CEP112: variants seen among roughly 807,000 people sequenced by gnomAD.
CEP112 encodes centrosomal protein of 112 kDa.
A neutral mutation model predicts 153.0 loss-of-function variants in CEP112; 127 were observed. That is an observed-to-expected ratio of 0.83 (90% CI 0.72 to 0.96). CEP112 has a LOEUF of 0.96. Among genes scored for constraint, CEP112 ranks in the 40% least tolerant of loss-of-function variants. CEP112 has a pLI of 0.00. For synonymous variants in CEP112, 358 were observed against 374.4 expected (o/e 0.96, Z 0.51); for missense variants, 1,089 against 1,101.2 (o/e 0.99, Z 0.16).
chr17:65,766,967 C>T (rs919646809), intron 21 of CEP112, among the ~76,000 whole-genome samples: 101 of 150,126 alleles, frequency 6.7e-4, no homozygotes, highest in African/African-American at 2.4e-3. Flanking sequence ...ACTTCAATAT[C>T]CCCCATCAAC....
chr17:65,645,037 G>A (rs1756720855), intron 24 of CEP112, among the ~76,000 whole-genome samples: 1 of 151,874 alleles, frequency 6.6e-6, no homozygotes, highest in Admixed American at 6.6e-5. Context: ...GACATTGTGT[G>A]CCCTTTCTAC....
At chr17:65,804,682 CTA>C (rs1167245521) in intron 21 of CEP112, among the ~76,000 whole-genome samples, 2 of 151,852 alleles carry the variant, frequency 1.3e-5, no homozygotes, top group Non-Finnish European at 2.9e-5. Flanking sequence ...ATTTTCAAAA[CTA>C]GACAAATTTT....
Position 66,191,584 on chromosome 17 carries a change from G to A in CEP112, c.-9+413C>T, listed in dbSNP as rs2073165760. On this transcript the variant is annotated intron_variant, in intron 1 of 26. Coordinates refer to ENST00000535342, the MANE Select transcript of CEP112 (RefSeq NM_001199165.4). This position sits in a 1 kb window ranked among gnomAD's most constrained non-coding sequence, Gnocchi z 4.2. ...TGAGACTCTTTTCTGGGACGGAATT[G>A]AAAACTCCAGCGGTGCCGTTCCTGG... 1 of 152,772 alleles carries A rather than the reference G, an allele frequency of 6.5e-6. No individual in the cohort carries two copies. The highest frequency in any genetic ancestry group is 6.5e-5 in the Admixed American group (1 of 15,280). 9.5% of individuals were successfully genotyped at this position (152,772 alleles called of 1,614,324 possible).
chr17:65,937,338 C>T (rs1350361977), intron 18 of CEP112, among the ~76,000 whole-genome samples: 2 of 105,326 alleles, frequency 1.9e-5, no homozygotes, highest in African/African-American at 4.6e-5. Context: ...TGAGGAGCGC[C>T]TCTTCCCGGC....
intron 21 of CEP112, among the ~76,000 whole-genome samples, chr17:65,780,437 A>G (rs1291582333): frequency 6.6e-6 from 1 of 152,094 alleles, no homozygotes; most frequent in Non-Finnish European, 1.5e-5. Context: ...AATGAGGGAG[A>G]AAAAAACCTT....
intron 19 of CEP112, among the ~76,000 whole-genome samples, chr17:65,908,869 GA>G (rs752921736): frequency 2.0e-5 from 3 of 152,074 alleles, no homozygotes; most frequent in Non-Finnish European, 4.4e-5. Context: ...CATTCCAATT[GA>G]ACTTTCATGT....
intron 23 of CEP112, among the ~76,000 whole-genome samples, chr17:65,740,237 T>C (rs973326018): frequency 2.0e-5 from 3 of 152,174 alleles, no homozygotes; most frequent in Admixed American, 1.3e-4. Flanking sequence ...GTTAAAAATA[T>C]AGAAAGGATA....
chr17:65,841,966 C>A (rs950922204), intron 21 of CEP112, among the ~76,000 whole-genome samples: 6 of 151,824 alleles, frequency 4.0e-5, no homozygotes, highest in Admixed American at 2.0e-4. Flanking sequence ...TACTCACTTC[C>A]ACTTCTCTCC....
chr17:65,758,034 A>C lies in CEP112; in HGVS notation c.2395-7310T>G, dbSNP rs1210721031. On this transcript the variant is annotated intron_variant, in intron 21 of 26. Transcript: ENST00000535342. ...CCACATAGTGAGACAGGGTCTCACT[A>C]TGTTGCTCAGGCTGGACTCAAACTC... 1.3e-5 allele frequency among the ~76,000 whole-genome samples: 2 copies of C among 152,132 alleles called. 1 individual carries two copies. Among genetic ancestry groups the C allele is most frequent in the Non-Finnish European group, 2.9e-5 (2 of 68,026 alleles).
chr17:65,680,274 T>A (rs2047450697), intron 24 of CEP112, among the ~76,000 whole-genome samples: 1 of 152,206 alleles, frequency 6.6e-6, no homozygotes, highest in East Asian at 1.9e-4. Flanking sequence ...ATGAAAATGA[T>A]AAAAGAATAT....
At chr17:65,668,560 C>T (rs1019334113) in intron 24 of CEP112, among the ~76,000 whole-genome samples, 1 of 152,188 alleles carries the variant, frequency 6.6e-6, no homozygotes, top group African/African-American at 2.4e-5. Context: ...AACTCTAAAA[C>T]CACCTGCCTG....
chr17:65,870,069 G>GAA, intron 20 of CEP112, among the ~76,000 whole-genome samples: 1 of 143,070 alleles, frequency 7.0e-6, no homozygotes, highest in South Asian at 2.2e-4. Context: ...AAGAAAGAAA[G>GAA]AAAGAAAGAA....
At chr17:65,770,009 T>C (rs1243227932) in intron 21 of CEP112, among the ~76,000 whole-genome samples, 1 of 152,000 alleles carries the variant, frequency 6.6e-6, no homozygotes, top group Non-Finnish European at 1.5e-5. Flanking sequence ...TCTGAGATAG[T>C]ATCACATCAT....
At chr17:65,805,650 G>A (rs990218464) in intron 21 of CEP112, among the ~76,000 whole-genome samples, 3 of 152,136 alleles carry the variant, frequency 2.0e-5, no homozygotes, top group Non-Finnish European at 4.4e-5. Flanking sequence ...AAACTGACTT[G>A]CGGAACATTT....
intron 10 of CEP112, among the ~76,000 whole-genome samples, chr17:66,064,701 T>C (rs551569000): frequency 1.2e-4 from 19 of 152,290 alleles, no homozygotes; most frequent in Admixed American, 1.0e-3. Flanking sequence ...AAAATTAAAC[T>C]AAGATCTGAT....
chr17:65,888,788 T>C (rs940060456), intron 20 of CEP112, among the ~76,000 whole-genome samples: 1 of 152,092 alleles, frequency 6.6e-6, no homozygotes, highest in African/African-American at 2.4e-5. Flanking sequence ...TAAAACCGAG[T>C]GACTCAGTCT....
chr17:65,832,216 G>C (rs368740768), intron 21 of CEP112, among the ~76,000 whole-genome samples: 2 of 152,126 alleles, frequency 1.3e-5, no homozygotes, highest in Middle Eastern at 3.4e-3. Context: ...ATTATACAGA[G>C]CACTAAATAT....
At chr17:65,735,564 T>C (rs563732384) in intron 23 of CEP112, among the ~76,000 whole-genome samples, 62,152 of 152,152 alleles carry the variant, frequency 0.41, 14,450 homozygotes, top group South Asian at 0.61. Context: ...ATATCCTGAT[T>C]AACCTATCGT....
chr17:66,145,418 G>GT (rs1204618039), intron 4 of CEP112, among the ~76,000 whole-genome samples: 1 of 151,896 alleles, frequency 6.6e-6, no homozygotes, highest in Non-Finnish European at 1.5e-5. Context: ...ATTGTTTTGT[G>GT]TTTTTTTATA....
Sources: gnomAD v4.1 joint callset for allele counts (sites outside exome capture counted in the v4.1 genomes callset) on GRCh38, gnomAD v4.1.1 for gene constraint, Gnocchi (gnomAD v3.1) non-coding constraint, MANE v1.5 for transcripts, NCBI Gene and HGNC (gene_info 2026-07-23, HGNC 2026-07-21) for gene names.